Variants in ENTREP2 observed in about 807,000 individuals in gnomAD.
ENTREP2 encodes the protein endosomal transmembrane epsin interactor 2, also known as protein ENTREP2.
the ENTREP2 span, chr15:29,381,937 G>GCA: frequency 2.0e-6 from 2 of 1,011,334 alleles, no homozygotes; most frequent in Non-Finnish European, 1.5e-6. Flanking sequence ...GTGGAACACA[G>GCA]CACACACACA....
the ENTREP2 span, among the ~76,000 whole-genome samples, chr15:29,402,640 G>A: frequency 2.6e-5 from 4 of 152,232 alleles, no homozygotes; most frequent in South Asian, 2.1e-4. Flanking sequence ...ATGTAGAAAC[G>A]TTCACACTAA....
chr15:29,150,355 A>T, the ENTREP2 span, among the ~76,000 whole-genome samples: 8 of 152,194 alleles, frequency 5.3e-5, no homozygotes, highest in African/African-American at 1.9e-4. Flanking sequence ...AATTTACTTT[A>T]TTCTTATTTA....
chr15:29,151,814 T>G, the ENTREP2 span: 1 of 1,551,486 alleles, frequency 6.4e-7, no homozygotes, highest in Non-Finnish European at 8.7e-7. Flanking sequence ...GACAGGACGT[T>G]GAGGGCACAC....
the ENTREP2 span, among the ~76,000 whole-genome samples, chr15:29,327,650 A>G: frequency 3.3e-5 from 5 of 152,296 alleles, no homozygotes; most frequent in South Asian, 8.3e-4. Context: ...AAGAAGATAC[A>G]GGAACAGCAA....
chr15:29,252,231 C>T, the ENTREP2 span: 1,955 of 516,798 alleles, frequency 3.8e-3, 23 homozygotes, highest in African/African-American at 0.034. Context: ...ACCTAAATAC[C>T]CTAAACTAGA....
chr15:29,636,306 T>C, the ENTREP2 span, among the ~76,000 whole-genome samples: 2 of 152,134 alleles, frequency 1.3e-5, no homozygotes, highest in African/African-American at 4.8e-5. Flanking sequence ...CGTTAGCAGT[T>C]GAGGTGTGGG....
At chr15:29,640,889 C>G in the ENTREP2 span, among the ~76,000 whole-genome samples, 4 of 152,138 alleles carry the variant, frequency 2.6e-5, no homozygotes, top group Non-Finnish European at 5.9e-5. Flanking sequence ...AAACTACAGA[C>G]CAGTATCTCT....
At chr15:29,593,999 ACAAGAT>A in the ENTREP2 span, among the ~76,000 whole-genome samples, 1 of 152,222 alleles carries the variant, frequency 6.6e-6, no homozygotes, top group African/African-American at 2.4e-5. Flanking sequence ...CTATAGTTAT[ACAAGAT>A]GTTATGGTGG....
chr15:29,206,428 T>C, the ENTREP2 span, among the ~76,000 whole-genome samples: 12 of 152,124 alleles, frequency 7.9e-5, no homozygotes, highest in African/African-American at 2.4e-4. Flanking sequence ...AAAACCCTTA[T>C]GCTGGTGATG....
At chr15:29,276,240 C>T in the ENTREP2 span, among the ~76,000 whole-genome samples, 7 of 152,228 alleles carry the variant, frequency 4.6e-5, no homozygotes, top group Admixed American at 1.3e-4. Context: ...TGGTCTTAGA[C>T]TCTCTTTTCA....
the ENTREP2 span, among the ~76,000 whole-genome samples, chr15:29,138,637 A>ATATGTG: frequency 2.9e-4 from 44 of 150,526 alleles, no homozygotes; most frequent in African/African-American, 9.8e-4. Context: ...GTGCATGTGT[A>ATATGTG]TATGTGTATG....
chr15:29,484,064 G>A, the ENTREP2 span, among the ~76,000 whole-genome samples: 1 of 152,124 alleles, frequency 6.6e-6, no homozygotes, highest in Non-Finnish European at 1.5e-5. Flanking sequence ...AGGGCAGCCA[G>A]GGTTTTCCCA....
the ENTREP2 span, among the ~76,000 whole-genome samples, chr15:29,465,233 A>G: frequency 1.5e-4 from 23 of 152,070 alleles, no homozygotes; most frequent in Admixed American, 1.4e-3. Flanking sequence ...GCAAGCAGAA[A>G]AAAGAGCTAT....
the ENTREP2 span, among the ~76,000 whole-genome samples, chr15:29,471,959 C>G: frequency 6.6e-6 from 1 of 152,082 alleles, no homozygotes; most frequent in Non-Finnish European, 1.5e-5. Context: ...CAGTGGTCAC[C>G]CAAGGAGGAG....
the ENTREP2 span, chr15:29,374,798 GA>G: frequency 6.6e-6 from 1 of 152,046 alleles, no homozygotes; most frequent in Middle Eastern, 3.4e-3. Flanking sequence ...TCATTTTGGA[GA>G]ATGTATATTG....
At chr15:29,156,392 T>C in the ENTREP2 span, among the ~76,000 whole-genome samples, 1 of 152,144 alleles carries the variant, frequency 6.6e-6, no homozygotes, top group East Asian at 1.9e-4. Context: ...TTCACCATGT[T>C]GGCCAGGCTG....
chr15:29,413,354 T>C, the ENTREP2 span, among the ~76,000 whole-genome samples: 1 of 152,226 alleles, frequency 6.6e-6, no homozygotes, highest in Non-Finnish European at 1.5e-5. Flanking sequence ...AATTTCCTTT[T>C]CATGACAGAT....
the ENTREP2 span, among the ~76,000 whole-genome samples, chr15:29,488,041 A>T: frequency 2.0e-5 from 3 of 152,188 alleles, no homozygotes; most frequent in African/African-American, 7.2e-5. Context: ...AAACAAGAAA[A>T]TATGGCTCAT....
the ENTREP2 span, among the ~76,000 whole-genome samples, chr15:29,511,334 TTTTTC>T: frequency 8.6e-6 from 1 of 116,344 alleles, no homozygotes; most frequent in Admixed American, 8.1e-5. Context: ...TTCTTCTTCT[TTTTTC>T]TTTTCTTTTT....
Sources: allele counts gnomAD v4.1 joint callset (sites outside exome capture counted in the v4.1 genomes callset), GRCh38; gene constraint gnomAD v4.1.1; transcripts MANE v1.5; gene names NCBI Gene and HGNC (gene_info 2026-07-23, HGNC 2026-07-21).